Variants in GPC5 observed in about 807,000 individuals in gnomAD.
GPC5 encodes the protein glypican-5.
Under a neutral mutation model 53.9 loss-of-function variants are expected in GPC5, and 47 were observed. The ratio of observed to expected loss-of-function variants is 0.87; its 90% CI spans 0.69 to 1.11. The LOEUF (loss-of-function observed/expected upper bound fraction) is 1.11. Ranked by LOEUF, GPC5 falls within the 50% of genes most tolerant of loss-of-function variation. The probability of loss-of-function intolerance (pLI) is 0.00; values close to 1 mark genes in which losing one functional copy is unlikely to be tolerated. For missense variants in GPC5, 748 were observed against 713.1 expected (o/e 1.05, Z -0.56); for synonymous variants, 286 against 263.3 (o/e 1.09, Z -0.84).
chr13:91,541,821 A>G (rs1001344210), intron 2 of GPC5, among the ~76,000 whole-genome samples: 28 of 124,784 alleles, frequency 2.2e-4, no homozygotes, highest in Non-Finnish European at 6.8e-5. Flanking sequence ...TTCCATATTA[A>G]TTAATAATAA....
intron 6 of GPC5, among the ~76,000 whole-genome samples, chr13:91,945,077 C>A (rs1232948779): frequency 2.6e-5 from 4 of 152,116 alleles, no homozygotes; most frequent in Non-Finnish European, 5.9e-5. Context: ...ATATAATACA[C>A]CGTAATATAA....
chr13:92,863,719 C>T (rs1465104530), intron 7 of GPC5, among the ~76,000 whole-genome samples: 1 of 152,102 alleles, frequency 6.6e-6, no homozygotes, highest in African/African-American at 2.4e-5. Context: ...TCTTGTACTC[C>T]CGACCTCAGG....
chr13:92,812,369 T>C (rs1485747914), intron 7 of GPC5, among the ~76,000 whole-genome samples: 1 of 151,918 alleles, frequency 6.6e-6, no homozygotes, highest in Admixed American at 6.6e-5. Context: ...TTTGTATTGT[T>C]CATTGGTAGT....
intron 7 of GPC5, among the ~76,000 whole-genome samples, chr13:92,582,017 T>C (rs908170868): frequency 6.6e-6 from 1 of 152,182 alleles, no homozygotes; most frequent in African/African-American, 2.4e-5. Context: ...TTCACTCTGT[T>C]GACTGTTTCC....
chr13:92,657,237 G>T (rs1353884446), intron 7 of GPC5, among the ~76,000 whole-genome samples: 1 of 151,986 alleles, frequency 6.6e-6, no homozygotes, highest in African/African-American at 2.4e-5. Context: ...AGTTAAGTAT[G>T]ATAAATATAT....
At chr13:91,460,040 G>T (rs1014956731) in intron 2 of GPC5, among the ~76,000 whole-genome samples, 1 of 152,120 alleles carries the variant, frequency 6.6e-6, no homozygotes, top group African/African-American at 2.4e-5. Context: ...TCATGAGTTT[G>T]TATATGAGAA....
At chr13:91,680,216 C>T (rs1430182335) in intron 2 of GPC5, among the ~76,000 whole-genome samples, 3 of 152,044 alleles carry the variant, frequency 2.0e-5, no homozygotes, top group Non-Finnish European at 4.4e-5. Flanking sequence ...TTTGGGAGGC[C>T]GAGGGGGGCA....
intron 7 of GPC5, among the ~76,000 whole-genome samples, chr13:92,229,539 T>G (rs1188556440): frequency 6.6e-6 from 1 of 152,074 alleles, no homozygotes; most frequent in East Asian, 1.9e-4. Flanking sequence ...GAAATGAAGG[T>G]TATTGTTCCA....
chr13:92,259,540 A>G lies in GPC5; in HGVS notation c.1561+114551A>G, dbSNP rs186950708. Among the ~76,000 whole-genome samples, 38 of 152,240 alleles carry G rather than the reference A, an allele frequency of 2.5e-4. 1 individual carries two copies. The highest frequency in any genetic ancestry group is 3.4e-3 in the Middle Eastern group (1 of 294). The stretch of plus-strand genomic sequence containing the variant: ...GGAAAATACAGATTTGATTCTTTGA[A>G]TAGTCTACCCTATCATTCCCATCCT... On this transcript the variant is annotated intron_variant, in intron 7 of 7. Coordinates refer to ENST00000377067, the MANE Select transcript of GPC5 (RefSeq NM_004466.6).
chr13:91,890,587 C>T (rs9560882), intron 5 of GPC5, among the ~76,000 whole-genome samples: 50,994 of 151,966 alleles, frequency 0.34, 11,003 homozygotes, highest in African/African-American at 0.62. Context: ...GAGTCCATTA[C>T]TAAGTTCAAT....
intron 7 of GPC5, among the ~76,000 whole-genome samples, chr13:92,383,858 G>A (rs999399672): frequency 2.0e-5 from 3 of 152,166 alleles, no homozygotes; most frequent in Admixed American, 6.6e-5. Flanking sequence ...AATACCAATA[G>A]TAACTCTAAG....
chr13:91,673,332 A>G lies in GPC5; in HGVS notation c.326-19855A>G, dbSNP rs1227306759. On this transcript the variant is annotated intron_variant, in intron 2 of 7. Transcript: ENST00000377067. ...TGTCCCCTCCCTGCCTAAAGGAATTATATATAACATTTAAAAAATTTAGTT... is the reference window on the plus strand; with the variant it reads ...TGTCCCCTCCCTGCCTAAAGGAATTGTATATAACATTTAAAAAATTTAGTT... Among the ~76,000 whole-genome samples the G allele has an allele frequency of 8.5e-5, 13 of 152,200 alleles. 1 individual carries two copies.
intron 7 of GPC5, among the ~76,000 whole-genome samples, chr13:92,195,968 G>A (rs969496338): frequency 6.6e-6 from 1 of 152,160 alleles, no homozygotes; most frequent in Non-Finnish European, 1.5e-5. Context: ...TTAACAAGGA[G>A]GCGCAGGCCC....
chr13:92,126,032 G>T (rs1269895354), intron 6 of GPC5, among the ~76,000 whole-genome samples: 1 of 137,382 alleles, frequency 7.3e-6, no homozygotes, highest in African/African-American at 2.8e-5. Context: ...TTAGCTCACT[G>T]CAACCTCCAC....
intron 6 of GPC5, among the ~76,000 whole-genome samples, chr13:91,926,529 A>T (rs2039770113): frequency 6.6e-6 from 1 of 152,076 alleles, no homozygotes; most frequent in Admixed American, 6.6e-5. Context: ...TGTATTTGTT[A>T]TCCTCCTCAG....
intron 2 of GPC5, among the ~76,000 whole-genome samples, chr13:91,487,510 A>C (rs923768633): frequency 3.3e-5 from 5 of 152,158 alleles, no homozygotes; most frequent in Non-Finnish European, 7.4e-5. Context: ...CAGTCTTCAG[A>C]TAGAAAAGGG....
Position 91,887,414 on chromosome 13 carries a change from T to C in GPC5, c.1281-20523T>C, listed in dbSNP as rs547819516. 3.9e-5 allele frequency among the ~76,000 whole-genome samples: 6 copies of C among 152,320 alleles called. No homozygotes were observed. The East Asian group carries it at 7.7e-4, about 20-fold the overall frequency. On this transcript the variant is annotated intron_variant, in intron 5 of 7. Transcript: ENST00000377067. ...GCTGTGAAGGTGTGAAGGTCTAACA[T>C]GTCCTGGAGACATTTTCTCATTGTC... is the stretch of plus-strand genomic sequence containing the variant.
intron 7 of GPC5, among the ~76,000 whole-genome samples, chr13:92,392,782 C>A (rs989832692): frequency 1.1e-4 from 17 of 152,064 alleles, no homozygotes; most frequent in Admixed American, 7.9e-4. Context: ...ATGTGGCCAA[C>A]AAGCATATAT....
Position 92,546,644 on chromosome 13 carries a change from C to A in GPC5, c.1562-319638C>A, listed in dbSNP as rs1344180327. Among the ~76,000 whole-genome samples the A allele has an allele frequency of 2.0e-5, 3 of 152,232 alleles. No individual in the cohort carries two copies. In the East Asian group the frequency reaches 5.8e-4, roughly 29 times the overall value. ...TCCCCATCAAATTACCAATGACTTTCTTCACAGAATTGGAAAAAACTACTT... is the reference window on the plus strand; with the variant it reads ...TCCCCATCAAATTACCAATGACTTTATTCACAGAATTGGAAAAAACTACTT... On this transcript the variant is annotated intron_variant, in intron 7 of 7. Coordinates refer to ENST00000377067, the MANE Select transcript of GPC5 (RefSeq NM_004466.6).
Sources: allele counts gnomAD v4.1 joint callset (sites outside exome capture counted in the v4.1 genomes callset), GRCh38; gene constraint gnomAD v4.1.1; transcripts MANE v1.5; gene names NCBI Gene and HGNC (gene_info 2026-07-23, HGNC 2026-07-21).